Variants in NDUFA9 observed in about 807,000 individuals in gnomAD.
NDUFA9 encodes the protein NADH:ubiquinone oxidoreductase subunit A9.
Under a neutral mutation model 45.9 loss-of-function variants are expected in NDUFA9, and 23 were observed. The ratio of observed to expected loss-of-function variants is 0.50; its 90% CI spans 0.36 to 0.71. The LOEUF (loss-of-function observed/expected upper bound fraction) is 0.71, where lower values mean the gene tolerates loss of function less well. Among genes scored for constraint, NDUFA9 ranks in the 30% least tolerant of loss-of-function variants. The probability of loss-of-function intolerance (pLI) is 0.00; values close to 1 mark genes in which losing one functional copy is unlikely to be tolerated. For missense variants in NDUFA9, 466 were observed against 488.2 expected (o/e 0.95, Z 0.43); for synonymous variants, 176 against 170.5 (o/e 1.03, Z -0.25).
chr12:4,685,421 T>A (rs1304470991), intron 10 of NDUFA9, 96 bp downstream of exon 10: 1 of 1,164,804 alleles, frequency 8.6e-7, no homozygotes, highest in African/African-American at 1.5e-5. Flanking sequence ...CCCTTGTCTG[T>A]TTGCTGTTCT....
intron 8 of NDUFA9, among the ~76,000 whole-genome samples, chr12:4,674,712 A>T (rs978338069): frequency 2.0e-5 from 3 of 152,310 alleles, no homozygotes; most frequent in East Asian, 1.9e-4. Context: ...CTCCCACACA[A>T]TAATAGTGGG....
intron 8 of NDUFA9, among the ~76,000 whole-genome samples, chr12:4,674,845 A>G (rs1029537503): frequency 6.6e-6 from 1 of 152,160 alleles, no homozygotes. Flanking sequence ...AGAACTCTCC[A>G]CCCCAAATCA....
chr12:4,664,485 A>T (rs1945841862), intron 6 of NDUFA9, among the ~76,000 whole-genome samples: 1 of 152,370 alleles, frequency 6.6e-6, no homozygotes, highest in South Asian at 2.1e-4. Flanking sequence ...AGATGTTTAG[A>T]ACTATCTCTT....
chr12:4,657,151 C>G (rs775868515), intron 3 of NDUFA9: 2 of 152,374 alleles, frequency 1.3e-5, no homozygotes, highest in Non-Finnish European at 2.9e-5. Flanking sequence ...TAGAAACCTG[C>G]CCTTGGCTCA....
At chr12:4,652,388 G>A (rs551272262) in intron 1 of NDUFA9, among the ~76,000 whole-genome samples, 3 of 152,184 alleles carry the variant, frequency 2.0e-5, no homozygotes, top group African/African-American at 7.2e-5. Flanking sequence ...TTTTCAGAAG[G>A]ATTGTGTATA....
chr12:4,668,663 T>G, intron 7 of NDUFA9, 139 bp downstream of exon 7: 1 of 746,968 alleles, frequency 1.3e-6, no homozygotes, highest in Non-Finnish European at 2.3e-6. Flanking sequence ...CCTCTTAGTT[T>G]ACTTAAGAGG....
intron 8 of NDUFA9, among the ~76,000 whole-genome samples, chr12:4,675,820 A>G (rs1178246126): frequency 6.6e-6 from 1 of 152,246 alleles, no homozygotes; most frequent in African/African-American, 2.4e-5. Flanking sequence ...TGAGGCCAGC[A>G]TCATCCTAAT....
intron 9 of NDUFA9, 43 bp downstream of exon 9, chr12:4,682,343 C>A (rs747240646): frequency 7.1e-7 from 1 of 1,409,786 alleles, no homozygotes; most frequent in South Asian, 1.2e-5. Context: ...AAAAAGCCAG[C>A]TCCACACACT....
At chr12:4,659,595 A>G (rs1304782261) in intron 5 of NDUFA9, among the ~76,000 whole-genome samples, 1 of 152,176 alleles carries the variant, frequency 6.6e-6, no homozygotes, top group Non-Finnish European at 1.5e-5. Context: ...AAGGCTCAGA[A>G]TGACAGGGAT....
intron 10 of NDUFA9, among the ~76,000 whole-genome samples, chr12:4,686,426 T>G: frequency 6.9e-6 from 1 of 145,874 alleles, no homozygotes; most frequent in Non-Finnish European, 1.5e-5. Context: ...AGTTACTTGT[T>G]TTTTTTTTTT....
chr12:4,679,935 G>A (rs76871566), intron 8 of NDUFA9, among the ~76,000 whole-genome samples: 1,641 of 152,312 alleles, frequency 0.011, 21 homozygotes, highest in African/African-American at 0.037. Context: ...ATTGAGAGGA[G>A]TTGGATACAG....
At chr12:4,654,684 A>T in intron 2 of NDUFA9, 141 bp from the exon 3 acceptor site, 1 of 931,196 alleles carries the variant, frequency 1.1e-6, no homozygotes. Context: ...TGGCATCTTT[A>T]GCATGGCAAA....
At chr12:4,686,881 AGCACTTT>A (rs1158384966) in intron 10 of NDUFA9, 50 bp from the exon 11 acceptor site, 1 of 1,529,702 alleles carries the variant, frequency 6.5e-7, no homozygotes, top group Non-Finnish European at 8.9e-7. Flanking sequence ...CTGCTAGGAT[AGCACTTT>A]GTTCTCAGCC....
intron 8 of NDUFA9, among the ~76,000 whole-genome samples, chr12:4,674,564 A>G (rs1339042141): frequency 3.3e-5 from 5 of 152,224 alleles, no homozygotes; most frequent in Non-Finnish European, 7.3e-5. Context: ...ACAAAGATCA[A>G]AAGAGACAAG....
chr12:4,655,780 G>A (rs1945786544), intron 3 of NDUFA9: 1 of 152,172 alleles, frequency 6.6e-6, no homozygotes, highest in African/African-American at 2.4e-5. Flanking sequence ...GGGAAAGAGG[G>A]TAGAGGAGGG....
At chr12:4,671,704 A>G (rs912865843) in intron 8 of NDUFA9, among the ~76,000 whole-genome samples, 4 of 152,334 alleles carry the variant, frequency 2.6e-5, no homozygotes, top group Admixed American at 2.0e-4. Flanking sequence ...TGGTACTGAC[A>G]TAAGAATTGA....
At chr12:4,681,594 A>G (rs1280953251) in intron 8 of NDUFA9, among the ~76,000 whole-genome samples, 2 of 148,596 alleles carry the variant, frequency 1.3e-5, no homozygotes, top group Non-Finnish European at 3.0e-5. Flanking sequence ...ATATAATTAT[A>G]ATTTATATAA....
chr12:4,671,552 T>G (rs568594214), intron 8 of NDUFA9, among the ~76,000 whole-genome samples: 1 of 152,312 alleles, frequency 6.6e-6, no homozygotes, highest in African/African-American at 2.4e-5. Context: ...TTCAACTTAA[T>G]TCTATCGAAA....
intron 8 of NDUFA9, among the ~76,000 whole-genome samples, chr12:4,679,955 G>C (rs1945943024): frequency 6.6e-6 from 1 of 152,184 alleles, no homozygotes; most frequent in South Asian, 2.1e-4. Flanking sequence ...GAGTGCAAAT[G>C]AGGGTTTGAC....
Sources: gnomAD v4.1 joint callset for allele counts (sites outside exome capture counted in the v4.1 genomes callset) on GRCh38, gnomAD v4.1.1 for gene constraint, MANE v1.5 for transcripts, NCBI Gene and HGNC (gene_info 2026-07-23, HGNC 2026-07-21) for gene names.